Variants in ENOX1 observed in about 807,000 individuals in gnomAD.
ENOX1 encodes candidate growth-related and time keeping constitutive hydroquinone (NADH) oxidase.
Under a neutral mutation model 82.5 loss-of-function variants are expected in ENOX1, and 42 were observed. The observed-to-expected ratio is 0.51, with a 90% CI of 0.40 to 0.66. The LOEUF (loss-of-function observed/expected upper bound fraction) is 0.66. ENOX1 is among the 30% of genes least tolerant of loss of function. ENOX1 has a pLI of 0.00. For synonymous variants in ENOX1, 271 were observed against 282.2 expected (o/e 0.96, Z 0.40); for missense variants, 608 against 811.6 (o/e 0.75, Z 3.05).
At chr13:43,540,843 T>C (rs1168037816) in intron 2 of ENOX1, among the ~76,000 whole-genome samples, 1 of 152,040 alleles carries the variant, frequency 6.6e-6, no homozygotes, top group Non-Finnish European at 1.5e-5. Context: ...TCAAAAAAGG[T>C]GGTGCCTTTA....
At position 43,667,473 on chromosome 13, in the gene ENOX1, C is replaced by T; in HGVS notation, c.-219+6G>A. 1.0e-6 allele frequency: 1 copy of T among 985,542 alleles called. No homozygotes were observed. Among genetic ancestry groups the T allele is most frequent in the African/African-American group, 1.7e-5 (1 of 57,354 alleles). 61.0% of individuals were successfully genotyped at this position (985,542 alleles called of 1,614,324 possible). On this transcript the variant is annotated splice_donor_region_variant and intron_variant, in intron 2 of 16. Transcript: ENST00000690772. ...GTTATTTGTGGTGCACATACCATCC[C>T]TTTACCTGAGCATGGTGAGCTCTCT...
At chr13:43,591,969 G>A (rs919363519) in intron 2 of ENOX1, among the ~76,000 whole-genome samples, 7 of 151,794 alleles carry the variant, frequency 4.6e-5, no homozygotes, top group East Asian at 1.9e-4. Flanking sequence ...GCCCACACAC[G>A]ACTCAGCTCC....
Position 43,417,242 on chromosome 13 carries a change from C to CGGGAGACGGGAGA in ENOX1, c.-74-4255_-74-4254insTCTCCCGTCTCCC, listed in dbSNP as rs1400166015. 3.1e-3 allele frequency among the ~76,000 whole-genome samples: 257 copies of CGGGAGACGGGAGA among 82,826 alleles called. 2 individuals carry two copies. Among genetic ancestry groups the CGGGAGACGGGAGA allele is most frequent in the African/African-American group, 0.011 (237 of 21,678 alleles). 54.3% of individuals were successfully genotyped at this position (82,826 alleles called of 152,430 possible). On this transcript the variant is annotated intron_variant, in intron 3 of 16. Coordinates refer to ENST00000690772, the MANE Select transcript of ENOX1 (RefSeq NM_001347969.2). ...GAGACGGGAGACGGGAGACGGGAGA[C>CGGGAGACGGGAGA]GGGAGAGGGAGAGGGAGAGGGAGAG...
intron 1 of ENOX1, among the ~76,000 whole-genome samples, chr13:43,768,627 CATAA>C (rs1470259813): frequency 2.0e-5 from 3 of 152,146 alleles, no homozygotes; most frequent in East Asian, 1.9e-4. Flanking sequence ...TCTCTTAAAA[CATAA>C]ATAAATATTT....
At chr13:43,511,480 A>G (rs1320613783) in intron 2 of ENOX1, among the ~76,000 whole-genome samples, 1 of 152,150 alleles carries the variant, frequency 6.6e-6, no homozygotes, top group Non-Finnish European at 1.5e-5. Flanking sequence ...CAGTATAAGC[A>G]TATCAGATTG....
At chr13:43,531,363 A>AC (rs1019591005) in intron 2 of ENOX1, among the ~76,000 whole-genome samples, 1 of 152,042 alleles carries the variant, frequency 6.6e-6, no homozygotes, top group Non-Finnish European at 1.5e-5. Context: ...GCAAATCAAA[A>AC]CCACAATGAG....
At chr13:43,568,970 C>A (rs1353576176) in intron 2 of ENOX1, among the ~76,000 whole-genome samples, 1 of 151,966 alleles carries the variant, frequency 6.6e-6, no homozygotes, top group East Asian at 1.9e-4. Context: ...GGGTCAGATC[C>A]CCAGGGCTTG....
At chr13:43,726,193 CT>C (rs1451155395) in intron 1 of ENOX1, among the ~76,000 whole-genome samples, 1 of 150,040 alleles carries the variant, frequency 6.7e-6, no homozygotes, top group Non-Finnish European at 1.5e-5. Flanking sequence ...TAAACTCTGA[CT>C]TTTGTTATGA....
chr13:43,344,965 A>C (rs2049292746), intron 8 of ENOX1, among the ~76,000 whole-genome samples: 2 of 152,064 alleles, frequency 1.3e-5, no homozygotes, highest in South Asian at 4.1e-4. Context: ...GGAGGTTCAC[A>C]CTCTCATCTA....
intron 16 of ENOX1, among the ~76,000 whole-genome samples, chr13:43,221,854 C>G (rs1288226027): frequency 6.6e-6 from 1 of 152,150 alleles, no homozygotes; most frequent in Non-Finnish European, 1.5e-5. Context: ...TTTCCCTGTT[C>G]TCATCAGTAC....
intron 3 of ENOX1, among the ~76,000 whole-genome samples, chr13:43,452,189 G>T (rs764468300): frequency 5.9e-5 from 9 of 152,076 alleles, no homozygotes; most frequent in Non-Finnish European, 1.2e-4. Context: ...TGTTACACAG[G>T]TATACACGTG....
At chr13:43,657,397 G>A (rs1449667740) in intron 2 of ENOX1, among the ~76,000 whole-genome samples, 1 of 152,172 alleles carries the variant, frequency 6.6e-6, no homozygotes, top group Non-Finnish European at 1.5e-5. Flanking sequence ...ATGAGGTATG[G>A]ATGTCTCTCA....
chr13:43,525,986 C>T (rs1417477929), intron 2 of ENOX1, among the ~76,000 whole-genome samples: 1 of 152,042 alleles, frequency 6.6e-6, no homozygotes, highest in Non-Finnish European at 1.5e-5. Flanking sequence ...CTTAATCTAT[C>T]CATAACGGTT....
intron 2 of ENOX1, among the ~76,000 whole-genome samples, chr13:43,510,867 C>T (rs140230441): frequency 5.9e-5 from 9 of 152,174 alleles, no homozygotes; most frequent in Non-Finnish European, 7.4e-5. Context: ...TCATTGAAAA[C>T]GGGCTGGTAC....
chr13:43,770,686 T>TACAC (rs149111203), intron 1 of ENOX1, among the ~76,000 whole-genome samples: 13,549 of 146,154 alleles, frequency 0.093, 620 homozygotes, highest in Middle Eastern at 0.12. Flanking sequence ...TACGTATGTG[T>TACAC]ACACACACAC....
intron 3 of ENOX1, among the ~76,000 whole-genome samples, chr13:43,472,094 T>G (rs1241319545): frequency 1.3e-5 from 2 of 151,952 alleles, no homozygotes; most frequent in South Asian, 4.1e-4. Context: ...TCATAAATAG[T>G]CTAAGCATAA....
chr13:43,615,744 C>A (rs911789938), intron 2 of ENOX1, among the ~76,000 whole-genome samples: 5 of 151,914 alleles, frequency 3.3e-5, no homozygotes. Flanking sequence ...CCTCCCCTAG[C>A]CCCTCACCCC....
chr13:43,554,541 A>C (rs927751325), intron 2 of ENOX1, among the ~76,000 whole-genome samples: 2 of 152,194 alleles, frequency 1.3e-5, no homozygotes, highest in African/African-American at 4.8e-5. Flanking sequence ...GTACAAAAAC[A>C]TGCAGTAACT....
intron 11 of ENOX1, among the ~76,000 whole-genome samples, chr13:43,301,752 TATATTGACTCC>T (rs2046591244): frequency 6.6e-6 from 1 of 152,168 alleles, no homozygotes; most frequent in Non-Finnish European, 1.5e-5. Flanking sequence ...TGAGAAATTG[TATATTGACTCC>T]ACTTAGCTTC....
Sources: gnomAD v4.1 joint callset for allele counts (sites outside exome capture counted in the v4.1 genomes callset) on GRCh38, gnomAD v4.1.1 for gene constraint, MANE v1.5 for transcripts, NCBI Gene and HGNC (gene_info 2026-07-23, HGNC 2026-07-21) for gene names.